The following DAB1 variants were observed in gnomAD, a reference collection of about 807,000 sequenced individuals.
The protein encoded by DAB1 is disabled homolog 1.
In DAB1, 15 loss-of-function variants were observed where a neutral mutation model predicts 64.6. The observed-to-expected ratio is 0.23, with a 90% CI of 0.16 to 0.36. The LOEUF is 0.36. Ranked by LOEUF, DAB1 falls within the 10% of genes least tolerant of loss-of-function variation. The pLI, the probability that DAB1 is intolerant of heterozygous loss-of-function variation, is 1.00. For synonymous variants in DAB1, 235 were observed against 251.9 expected (o/e 0.93, Z 0.64); for missense variants, 596 against 706.7 (o/e 0.84, Z 1.78).
intron 5 of DAB1, among the ~76,000 whole-genome samples, chr1:57,889,967 A>C (rs555870868): frequency 6.6e-6 from 1 of 151,054 alleles, no homozygotes; most frequent in East Asian, 2.0e-4. Flanking sequence ...GATCATTCAG[A>C]GCTGTGGGCT....
At chr1:58,157,675 G>C (rs76706625) in intron 4 of DAB1, among the ~76,000 whole-genome samples, 202 of 152,252 alleles carry the variant, frequency 1.3e-3, no homozygotes, top group African/African-American at 4.7e-3. Context: ...TAATTATCTG[G>C]ACCAGGTAAA....
chr1:57,109,493 T>G (rs1403988782), intron 4 of DAB1, among the ~76,000 whole-genome samples: 3 of 152,200 alleles, frequency 2.0e-5, no homozygotes, highest in African/African-American at 4.8e-5. Context: ...TGGATGGAAC[T>G]TGGAGTATGA....
intron 4 of DAB1, among the ~76,000 whole-genome samples, chr1:58,275,205 T>G (rs1569592860): frequency 6.6e-6 from 1 of 152,158 alleles, no homozygotes; most frequent in Admixed American, 6.6e-5. Flanking sequence ...GATGTAAATA[T>G]AAGACCTAAA....
intron 6 of DAB1, among the ~76,000 whole-genome samples, chr1:57,793,690 G>C (rs1485579186): frequency 6.6e-6 from 1 of 152,134 alleles, no homozygotes; most frequent in Non-Finnish European, 1.5e-5. Flanking sequence ...GTGTATACTT[G>C]GGCAAGTTTC....
intron 1 of DAB1, among the ~76,000 whole-genome samples, chr1:57,328,881 T>C (rs754939749): frequency 6.6e-6 from 1 of 152,194 alleles, no homozygotes; most frequent in Admixed American, 6.5e-5. Flanking sequence ...CTTAGCAAAT[T>C]ACCAGTCATT....
intron 5 of DAB1, among the ~76,000 whole-genome samples, chr1:57,920,861 C>A (rs1169244720): frequency 1.3e-5 from 2 of 152,142 alleles, no homozygotes; most frequent in East Asian, 1.9e-4. Context: ...ATTGGCACAA[C>A]CCTTTTGATG....
At chr1:58,313,136 C>T (rs531603437) in intron 4 of DAB1, among the ~76,000 whole-genome samples, 1 of 152,210 alleles carries the variant, frequency 6.6e-6, no homozygotes, top group South Asian at 2.1e-4. Context: ...ATTAGGCTGA[C>T]CCACTCATAG....
At chr1:58,230,807 G>C (rs975493981) in intron 4 of DAB1, among the ~76,000 whole-genome samples, 1 of 152,206 alleles carries the variant, frequency 6.6e-6, no homozygotes, top group Non-Finnish European at 1.5e-5. Context: ...ATCCACAATT[G>C]ACAGACACTG....
intron 4 of DAB1, among the ~76,000 whole-genome samples, chr1:58,249,226 C>T (rs977104729): frequency 6.6e-6 from 1 of 152,014 alleles, no homozygotes; most frequent in Non-Finnish European, 1.5e-5. Flanking sequence ...CCCCCACAAC[C>T]TCTGCCACCA....
chr1:57,566,276 G>C (rs951821131), intron 7 of DAB1, among the ~76,000 whole-genome samples: 3 of 152,204 alleles, frequency 2.0e-5, no homozygotes, highest in Admixed American at 2.0e-4. Flanking sequence ...ATTCAAAGCA[G>C]TGTGTAGAGG....
Position 57,153,201 on chromosome 1 carries a change from T to A in DAB1, c.68-7772A>T, listed in dbSNP as rs954563182. ...CCACCATACCTGGCTAATTTTTGTA[T>A]TTTTAGTGGAGATGGTGTTTCACCA... On this transcript the variant is annotated intron_variant, in intron 2 of 14. Transcript: ENST00000371236. Among the ~76,000 whole-genome samples, 19 of 152,002 alleles carry A rather than the reference T, an allele frequency of 1.2e-4. 1 individual carries two copies. The highest frequency in any genetic ancestry group is 6.6e-5 in the Admixed American group (1 of 15,260).
chr1:58,240,172 C>T (rs1156837851), intron 4 of DAB1, among the ~76,000 whole-genome samples: 1 of 152,184 alleles, frequency 6.6e-6, no homozygotes, highest in Non-Finnish European at 1.5e-5. Flanking sequence ...AAAATAGAAC[C>T]TCAATTCTGG....
chr1:57,720,525 C>T (rs529896602), intron 6 of DAB1, among the ~76,000 whole-genome samples: 1 of 152,320 alleles, frequency 6.6e-6, no homozygotes, highest in South Asian at 2.1e-4. Flanking sequence ...AGACTGTAAT[C>T]AGATGGCCCT....
At chr1:57,967,038 T>C (rs1402742000) in intron 5 of DAB1, among the ~76,000 whole-genome samples, 1 of 152,164 alleles carries the variant, frequency 6.6e-6, no homozygotes, top group Non-Finnish European at 1.5e-5. Context: ...TGAATGAAGG[T>C]GCACGTGTGC....
At position 57,241,555 on chromosome 1, in the gene DAB1, G is replaced by A. The variant is rs1480691583; in HGVS notation, c.67+49409C>T. Among the ~76,000 whole-genome samples, 14 of 152,212 alleles carry A rather than the reference G, an allele frequency of 9.2e-5. No individual in the cohort carries two copies. In the South Asian group the frequency reaches 1.7e-3, roughly 18 times the overall value. The stretch of plus-strand genomic sequence containing the variant: ...GGGCTTAGAGTGGAGTCTGGACATC[G>A]AAATAATAATTGAGTTGGCACTCTT... On this transcript the variant is annotated intron_variant, in intron 2 of 14. Coordinates refer to ENST00000371236, the MANE Select transcript of DAB1 (RefSeq NM_001365792.1).
intron 1 of DAB1, among the ~76,000 whole-genome samples, chr1:57,294,042 TC>T (rs1303807223): frequency 2.0e-5 from 3 of 152,146 alleles, no homozygotes; most frequent in Non-Finnish European, 4.4e-5. Context: ...GACCCTGGCA[TC>T]CCCTTTAATT....
At position 57,596,277 on chromosome 1, in the gene DAB1, C is replaced by G. The variant is rs114181969; in HGVS notation, n.625+53315G>C. On this transcript the variant is annotated intron_variant and non_coding_transcript_variant, in intron 7 of 20. Coordinates refer to the DAB1 transcript ENST00000485760. ...ATTGATTCCAAATTCCTAAACATGG[C>G]CTGGCTAACTGCTACTCACCTTCAG... Among the ~76,000 whole-genome samples the G allele has an allele frequency of 7.4e-3, 1,124 of 151,878 alleles. 6 individuals carry two copies. Among genetic ancestry groups the G allele is most frequent in the Non-Finnish European group, 0.012 (804 of 67,954 alleles).
intron 6 of DAB1, among the ~76,000 whole-genome samples, chr1:57,663,755 G>A (rs182426742): frequency 1.1e-4 from 16 of 151,888 alleles, no homozygotes; most frequent in East Asian, 9.7e-4. Context: ...TGCATGTGAC[G>A]GATCCTTATT....
intron 7 of DAB1, among the ~76,000 whole-genome samples, chr1:57,520,983 C>CTA (rs1285111638): frequency 6.6e-6 from 1 of 152,022 alleles, no homozygotes; most frequent in Admixed American, 6.6e-5. Flanking sequence ...CTAGAAGAAA[C>CTA]CACATTTAGT....
Sources: gnomAD v4.1 joint callset for allele counts (sites outside exome capture counted in the v4.1 genomes callset) on GRCh38, gnomAD v4.1.1 for gene constraint, MANE v1.5 for transcripts, NCBI Gene and HGNC (gene_info 2026-07-23, HGNC 2026-07-21) for gene names.